Variants in GRIK3 observed in about 807,000 individuals in gnomAD.
The protein encoded by GRIK3 is glutamate ionotropic receptor kainate type subunit 3.
Under a neutral mutation model 102.5 loss-of-function variants are expected in GRIK3, and 29 were observed. The observed-to-expected ratio is 0.28, with a 90% CI of 0.21 to 0.39. The LOEUF (loss-of-function observed/expected upper bound fraction) is 0.39, where lower values mean the gene tolerates loss of function less well. Ranked by LOEUF, GRIK3 falls within the 10% of genes least tolerant of loss-of-function variation. The pLI is 1.00. For missense variants in GRIK3, 908 were observed against 1,252.4 expected (o/e 0.73, Z 4.15); for synonymous variants, 511 against 504.9 (o/e 1.01, Z -0.16).
At chr1:36,897,838 A>G (rs1641190068) in intron 1 of GRIK3, among the ~76,000 whole-genome samples, 1 of 152,216 alleles carries the variant, frequency 6.6e-6, no homozygotes. Context: ...AGATATCTGC[A>G]CACCTATGTT....
At chr1:36,988,198 T>A (rs1402466703) in intron 1 of GRIK3, among the ~76,000 whole-genome samples, 1 of 152,150 alleles carries the variant, frequency 6.6e-6, no homozygotes. Context: ...AGCTGAGACA[T>A]GAGAATAGCT....
chr1:36,942,470 CA>C lies in GRIK3; in HGVS notation c.116-51375del, dbSNP rs562316313. Among the ~76,000 whole-genome samples the C allele has an allele frequency of 4.6e-5, 7 of 152,332 alleles. No homozygotes were observed. The East Asian group carries it at 1.2e-3, about 25-fold the overall frequency. On this transcript the variant is annotated intron_variant, in intron 1 of 15. Coordinates refer to ENST00000373091, the MANE Select transcript of GRIK3 (RefSeq NM_000831.4). ...CAGTGAAGTGTGAATACTCTCTCTC[CA>C]AACCTCCCGTGAATTCCAGGAGAGC...
chr1:36,901,464 A>G (rs1252858962), intron 1 of GRIK3, among the ~76,000 whole-genome samples: 1 of 152,240 alleles, frequency 6.6e-6, no homozygotes, highest in Non-Finnish European at 1.5e-5. Context: ...ACAGATGCAG[A>G]AAATGCATTT....
chr1:36,898,789 T>C (rs1033812863), intron 1 of GRIK3, among the ~76,000 whole-genome samples: 1 of 152,164 alleles, frequency 6.6e-6, no homozygotes, highest in African/African-American at 2.4e-5. Context: ...CATTTCCTGA[T>C]TTCAAAACTT....
intron 1 of GRIK3, among the ~76,000 whole-genome samples, chr1:36,986,949 C>T (rs1385430108): frequency 6.6e-6 from 1 of 152,182 alleles, no homozygotes; most frequent in Non-Finnish European, 1.5e-5. Flanking sequence ...ATTGCAGCCT[C>T]ACAGAAAAAA....
intron 1 of GRIK3, among the ~76,000 whole-genome samples, chr1:36,946,396 C>T (rs1158358095): frequency 3.9e-5 from 6 of 152,326 alleles, no homozygotes; most frequent in South Asian, 4.1e-4. Flanking sequence ...CACAGGGACA[C>T]GGAGCATTCA....
intron 1 of GRIK3, among the ~76,000 whole-genome samples, chr1:36,938,588 C>G (rs746695092): frequency 2.0e-5 from 3 of 152,160 alleles, no homozygotes; most frequent in Non-Finnish European, 2.9e-5. Flanking sequence ...CCACTTATGT[C>G]AGTCACAACC....
intron 1 of GRIK3, among the ~76,000 whole-genome samples, chr1:37,026,480 G>A (rs1427163489): frequency 6.6e-6 from 1 of 152,192 alleles, no homozygotes; most frequent in African/African-American, 2.4e-5. Flanking sequence ...GCTCAGAGTC[G>A]GTGGAGATGT....
At chr1:36,990,406 A>G (rs964321798) in intron 1 of GRIK3, among the ~76,000 whole-genome samples, 2 of 152,040 alleles carry the variant, frequency 1.3e-5, no homozygotes, top group African/African-American at 2.4e-5. Flanking sequence ...GAAGGGCAGT[A>G]CCCTTGCACC....
intron 3 of GRIK3, among the ~76,000 whole-genome samples, chr1:36,879,242 C>T (rs1362594667): frequency 1.3e-5 from 2 of 152,032 alleles, no homozygotes; most frequent in Admixed American, 1.3e-4. Context: ...ACCTGTAATC[C>T]CAGCACTTTG....
At position 36,856,194 on chromosome 1, in the gene GRIK3, G is replaced by A. The variant is rs373439267; in HGVS notation, c.1105-2472C>T. ...GCCTTCTCTCCTCTGTTGGCCTCAC[G>A]CCTTCAGGCTATCTCTTGGCCCCCA... On this transcript the variant is annotated intron_variant, in intron 7 of 15. Coordinates refer to ENST00000373091, the MANE Select transcript of GRIK3 (RefSeq NM_000831.4). 2.9e-4 allele frequency among the ~76,000 whole-genome samples: 44 copies of A among 152,320 alleles called. 1 individual carries two copies. In the South Asian group the frequency reaches 8.9e-3, roughly 31 times the overall value.
chr1:36,983,762 G>A (rs1461767401), intron 1 of GRIK3, among the ~76,000 whole-genome samples: 1 of 152,128 alleles, frequency 6.6e-6, no homozygotes, highest in Non-Finnish European at 1.5e-5. Flanking sequence ...GTCTTGGAGT[G>A]CCTCTAGGAT....
At position 36,798,608 on chromosome 1, in the gene GRIK3, G is replaced by A. The variant is rs1465398890; in HGVS notation, c.*3243C>T. 1.3e-5 allele frequency: 2 copies of A among 152,266 alleles called. No individual in the cohort carries two copies. Among genetic ancestry groups the A allele is most frequent in the Non-Finnish European group, 2.9e-5 (2 of 68,058 alleles). The allele number at this position is 152,266 out of a possible 1,614,324, so 9.4% of individuals were successfully genotyped here. ...CCCCACTCCGTCCCACCTCACAGATGTAGCATCATTTTCAGTGCCCCGGGA... is the reference window on the plus strand; with the variant it reads ...CCCCACTCCGTCCCACCTCACAGATATAGCATCATTTTCAGTGCCCCGGGA... On this transcript the variant is annotated 3_prime_UTR_variant, in exon 16 of 16. Coordinates refer to ENST00000373091, the MANE Select transcript of GRIK3 (RefSeq NM_000831.4).
At chr1:36,928,692 C>T (rs1641556007) in intron 1 of GRIK3, among the ~76,000 whole-genome samples, 1 of 152,222 alleles carries the variant, frequency 6.6e-6, no homozygotes, top group Non-Finnish European at 1.5e-5. Flanking sequence ...AGAATCCAGC[C>T]TAGACTTCAG....
At chr1:36,809,491 A>G (rs1256379278) in intron 13 of GRIK3, among the ~76,000 whole-genome samples, 1 of 151,868 alleles carries the variant, frequency 6.6e-6, no homozygotes, top group Non-Finnish European at 1.5e-5. Flanking sequence ...TCAGTCATCC[A>G]TCCAATAAAT....
At chr1:37,021,411 G>A (rs929050000) in intron 1 of GRIK3, among the ~76,000 whole-genome samples, 1 of 152,110 alleles carries the variant, frequency 6.6e-6, no homozygotes, top group Admixed American at 6.5e-5. Context: ...TTGCTGGCCT[G>A]GCTTCCTCAA....
chr1:36,886,392 C>T (rs918647771), intron 2 of GRIK3, among the ~76,000 whole-genome samples: 2 of 152,166 alleles, frequency 1.3e-5, no homozygotes, highest in African/African-American at 4.8e-5. Context: ...GCCCCAAGCC[C>T]CAGGTTCCTT....
At chr1:37,029,175 C>T (rs1569585560) in intron 1 of GRIK3, among the ~76,000 whole-genome samples, 1 of 152,046 alleles carries the variant, frequency 6.6e-6, no homozygotes, top group South Asian at 2.1e-4. Flanking sequence ...GGCCAAGGCG[C>T]CAGCCCCATC....
Position 36,800,707 on chromosome 1 carries a change from G to A in GRIK3, c.*1144C>T, listed in dbSNP as rs1176623083. On this transcript the variant is annotated 3_prime_UTR_variant, in exon 16 of 16. Coordinates refer to ENST00000373091, the MANE Select transcript of GRIK3 (RefSeq NM_000831.4). The stretch of plus-strand genomic sequence containing the variant: ...GTTTGGTAAGTCCAGGAGACCAGAA[G>A]TTCTTTTGGTCTCTTCTGGTTTCCC... 1.3e-5 allele frequency: 2 copies of A among 152,222 alleles called. No homozygotes were observed. Among genetic ancestry groups the A allele is most frequent in the Non-Finnish European group, 2.9e-5 (2 of 68,040 alleles). The allele number at this position is 152,222 out of a possible 1,614,324, so 9.4% of individuals were successfully genotyped here. A position where few individuals can be genotyped will look rare whatever the true frequency, so the allele number is the denominator to read the frequency against.
Sources: gnomAD v4.1 joint callset for allele counts (sites outside exome capture counted in the v4.1 genomes callset) on GRCh38, gnomAD v4.1.1 for gene constraint, MANE v1.5 for transcripts, NCBI Gene and HGNC (gene_info 2026-07-23, HGNC 2026-07-21) for gene names.